The following KIF26B variants were observed in gnomAD, a reference collection of about 807,000 sequenced individuals.
KIF26B encodes the protein kinesin-like protein KIF26B.
Under a neutral mutation model 151.2 loss-of-function variants are expected in KIF26B, and 63 were observed. That is an observed-to-expected ratio of 0.42 (90% CI 0.34 to 0.51). KIF26B has a LOEUF of 0.51. Ranked by LOEUF, KIF26B falls within the 20% of genes least tolerant of loss-of-function variation. The pLI is 0.07. For synonymous variants in KIF26B, 1,357 were observed against 1,262.1 expected, an observed-to-expected ratio of 1.08 and a Z score of -1.59; for missense variants, 2,813 against 2,913.6, an observed-to-expected ratio of 0.97 and a Z score of 0.79.
rs184934587 is a variant in KIF26B at position 245,681,259 on chromosome 1, A to G, written c.2259-2974A>G. On this transcript the variant is annotated intron_variant, in intron 10 of 14. Transcript: ENST00000407071. Reference sequence around the variant, plus strand: ...GAGTCTCGCTCTGTCGCCCAGGCTGAAGTGCAGTGGCGCGATCACGGCTCA... The same window carrying G: ...GAGTCTCGCTCTGTCGCCCAGGCTGGAGTGCAGTGGCGCGATCACGGCTCA... Among the ~76,000 whole-genome samples the G allele has an allele frequency of 4.8e-3, 718 of 149,902 alleles. 3 individuals are homozygous for G. The highest frequency in any genetic ancestry group is 7.2e-3 in the Non-Finnish European group (488 of 67,570).
At chr1:245,646,422 T>C in intron 10 of KIF26B, 142 bp downstream of exon 10, 1 of 827,160 alleles carries the variant, frequency 1.2e-6, no homozygotes, top group Non-Finnish European at 1.8e-6. Context: ...CAGCCTTAGC[T>C]AACAGTTGTG....
At chr1:245,696,736 C>T (rs930674831) in intron 12 of KIF26B, among the ~76,000 whole-genome samples, 3 of 152,166 alleles carry the variant, frequency 2.0e-5, no homozygotes, top group Non-Finnish European at 4.4e-5. Flanking sequence ...TACTTAGTTT[C>T]GTTAGTTGGG....
chr1:245,617,599 A>C (rs1389616988), intron 9 of KIF26B, among the ~76,000 whole-genome samples: 1 of 152,198 alleles, frequency 6.6e-6, no homozygotes, highest in Non-Finnish European at 1.5e-5. Context: ...AGCCCTGTGC[A>C]GCAAGGATGT....
At chr1:245,163,485 T>A (rs1170593446) in intron 2 of KIF26B, among the ~76,000 whole-genome samples, 2 of 152,200 alleles carry the variant, frequency 1.3e-5, no homozygotes, top group Non-Finnish European at 2.9e-5. Flanking sequence ...GTTTTCATGT[T>A]TGGCAGGGCT....
At chr1:245,584,633 A>G (rs892951521) in intron 5 of KIF26B, among the ~76,000 whole-genome samples, 1 of 152,168 alleles carries the variant, frequency 6.6e-6, no homozygotes, top group Non-Finnish European at 1.5e-5. Flanking sequence ...TGAATTGTTT[A>G]TTTGAGGAAA....
chr1:245,210,920 C>G (rs982501465), intron 2 of KIF26B, among the ~76,000 whole-genome samples: 1 of 152,178 alleles, frequency 6.6e-6, no homozygotes, highest in African/African-American at 2.4e-5. Context: ...CACAGCTCCA[C>G]CCATTATCCT....
chr1:245,349,345 G>A (rs1388471387), intron 2 of KIF26B, among the ~76,000 whole-genome samples: 1 of 152,050 alleles, frequency 6.6e-6, no homozygotes, highest in Non-Finnish European at 1.5e-5. Flanking sequence ...ACCTGAAATT[G>A]TAATAAAAGA....
At chr1:245,607,587 G>A (rs768816929) in intron 6 of KIF26B, 64 bp from the exon 7 acceptor site, 156 of 1,352,098 alleles carry the variant, frequency 1.2e-4, no homozygotes, top group African/African-American at 5.2e-4. Flanking sequence ...GCTCACTTTC[G>A]TTGTTAGTGG....
At chr1:245,432,851 G>A (rs182528693) in intron 4 of KIF26B, among the ~76,000 whole-genome samples, 5 of 152,248 alleles carry the variant, frequency 3.3e-5, no homozygotes, top group Non-Finnish European at 5.9e-5. Flanking sequence ...GGGGACTGCC[G>A]GAATAATTCG....
Position 245,616,017 on chromosome 1 carries a change from G to C in KIF26B, c.2098+4041G>C, listed in dbSNP as rs116660280. ...AGGGAAGCCATTAGAAGAGATCTCT[G>C]CCGCAAGAACTAAATAGACTCTGTG... On this transcript the variant is annotated intron_variant, in intron 9 of 14. Transcript: ENST00000407071. Among the ~76,000 whole-genome samples, 1,089 of 152,334 alleles carry C rather than the reference G, an allele frequency of 7.1e-3. 13 individuals are homozygous for C. The highest frequency in any genetic ancestry group is 0.024 in the African/African-American group (1,001 of 41,570).
intron 4 of KIF26B, among the ~76,000 whole-genome samples, chr1:245,492,144 T>C (rs1660421059): frequency 6.6e-6 from 1 of 152,224 alleles, no homozygotes; most frequent in African/African-American, 2.4e-5. Context: ...CAAGCAGCAA[T>C]GCTGTTGTAC....
chr1:245,702,578 G>GCTT lies in KIF26B; in HGVS notation c.6301_6303dup (p.Phe2101dup), dbSNP rs748719188. ...AAGGCCCATCTCATGATGATCACCT[G>GCTT]CTTCGACATCACCTCCAGGCGCCGG... On this transcript the variant is annotated inframe_insertion, in exon 15 of 15. Transcript: ENST00000407071. This position sits in a 1 kb window ranked among gnomAD's most constrained non-coding sequence, Gnocchi z 4.1. 2.5e-6 allele frequency: 4 copies of GCTT among 1,613,970 alleles called. No homozygotes were observed. In the Admixed American group the frequency reaches 5.0e-5, roughly 20 times the overall value.
intron 12 of KIF26B, among the ~76,000 whole-genome samples, chr1:245,690,159 C>T (rs941918274): frequency 6.6e-6 from 1 of 152,178 alleles, no homozygotes; most frequent in Non-Finnish European, 1.5e-5. Context: ...AAAGAAATTA[C>T]CCCTGCTCAT....
At chr1:245,272,297 G>A (rs973802808) in intron 2 of KIF26B, among the ~76,000 whole-genome samples, 1 of 152,076 alleles carries the variant, frequency 6.6e-6, no homozygotes, top group South Asian at 2.1e-4. Flanking sequence ...ACAGTGGTGT[G>A]TGCCTGTAGT....
At chr1:245,672,231 T>A (rs2044296567) in intron 10 of KIF26B, among the ~76,000 whole-genome samples, 1 of 151,884 alleles carries the variant, frequency 6.6e-6, no homozygotes, top group Admixed American at 6.6e-5. Context: ...ATATTCGGGA[T>A]CCCCAACTGA....
At chr1:245,321,944 A>G (rs1671893644) in intron 2 of KIF26B, among the ~76,000 whole-genome samples, 1 of 152,206 alleles carries the variant, frequency 6.6e-6, no homozygotes, top group Non-Finnish European at 1.5e-5. Context: ...GGAACCAAGA[A>G]AGTACGTTGA....
intron 2 of KIF26B, among the ~76,000 whole-genome samples, chr1:245,186,582 A>T (rs1425412123): frequency 6.6e-6 from 1 of 152,196 alleles, no homozygotes; most frequent in East Asian, 1.9e-4. Flanking sequence ...TCATGACGTC[A>T]GTAGTCCAAA....
In KIF26B at chr1:245,264,262, G is replaced by A. The variant is rs142629104; in HGVS notation, c.466-102572G>A. Among the ~76,000 whole-genome samples the A allele has an allele frequency of 4.6e-3, 704 of 152,220 alleles. 11 individuals carry two copies. The highest frequency in any genetic ancestry group is 0.015 in the African/African-American group (637 of 41,550). On this transcript the variant is annotated intron_variant, in intron 2 of 14. Transcript: ENST00000407071. ...AATGACCATTTAAAAAAGATACTCC[G>A]TCTCTTCTATTTTTTTCCTTTCTTA...
At chr1:245,593,009 G>T (rs1423163703) in intron 5 of KIF26B, among the ~76,000 whole-genome samples, 1 of 152,098 alleles carries the variant, frequency 6.6e-6, no homozygotes, top group Non-Finnish European at 1.5e-5. Flanking sequence ...CATGATCATT[G>T]CCATCTGGAA....
Sources: gnomAD v4.1 joint callset for allele counts (sites outside exome capture counted in the v4.1 genomes callset) on GRCh38, gnomAD v4.1.1 for gene constraint, Gnocchi (gnomAD v3.1) non-coding constraint, MANE v1.5 for transcripts, NCBI Gene and HGNC (gene_info 2026-07-23, HGNC 2026-07-21) for gene names.